MYO9A: variants seen among roughly 807,000 people sequenced by gnomAD.
MYO9A encodes the protein myosin IXA, also known as unconventional myosin-IXa.
Under a neutral mutation model 293.3 loss-of-function variants are expected in MYO9A, and 103 were observed. The observed-to-expected ratio is 0.35, with a 90% CI of 0.30 to 0.41. The LOEUF is 0.41. MYO9A is among the 10% of genes least tolerant of loss of function. The pLI is 1.00. For synonymous variants in MYO9A, 1,001 were observed against 1,035.7 expected (o/e 0.97, Z 0.64); for missense variants, 2,685 against 3,033.0 (o/e 0.89, Z 2.69).
At chr15:71,994,089 T>A (rs949509369) in intron 10 of MYO9A, among the ~76,000 whole-genome samples, 3 of 152,184 alleles carry the variant, frequency 2.0e-5, no homozygotes, top group African/African-American at 7.2e-5. Flanking sequence ...ATGGATGGAT[T>A]TATGGTACAC....
At chr15:71,927,255 T>A (rs1411970283) in intron 18 of MYO9A, among the ~76,000 whole-genome samples, 1 of 152,248 alleles carries the variant, frequency 6.6e-6, no homozygotes, top group African/African-American at 2.4e-5. Flanking sequence ...TTCTAGACAT[T>A]AACCCACTGC....
At chr15:71,907,319 A>G (rs1392270790) in intron 19 of MYO9A, among the ~76,000 whole-genome samples, 3 of 147,496 alleles carry the variant, frequency 2.0e-5, no homozygotes, top group African/African-American at 5.0e-5. Flanking sequence ...TATATGTGCC[A>G]CATTTTCTTA....
intron 15 of MYO9A, chr15:71,950,357 G>A (rs942631294): frequency 2.0e-5 from 3 of 152,176 alleles, no homozygotes; most frequent in African/African-American, 7.2e-5. Context: ...AGATCCATAT[G>A]TAGCTGGCAT....
In MYO9A at chr15:72,051,393, G is replaced by A. The variant is rs143444364; in HGVS notation, c.-71-4759C>T. Reference sequence around the variant, plus strand: ...TTTCGTGCTCCCTAGGTGCAGCTGCGGCCACCTGCCCAGGTGGGCTGCAGA... The same window carrying A: ...TTTCGTGCTCCCTAGGTGCAGCTGCAGCCACCTGCCCAGGTGGGCTGCAGA... On this transcript the variant is annotated intron_variant, in intron 1 of 41. Transcript: ENST00000356056. Among the ~76,000 whole-genome samples the A allele has an allele frequency of 2.9e-3, 447 of 152,160 alleles. 3 individuals carry two copies. Among genetic ancestry groups the A allele is most frequent in the Non-Finnish European group, 4.3e-3 (290 of 67,992 alleles).
At chr15:71,965,583 T>C (rs2075851892) in intron 13 of MYO9A, among the ~76,000 whole-genome samples, 1 of 152,028 alleles carries the variant, frequency 6.6e-6, no homozygotes, top group Non-Finnish European at 1.5e-5. Context: ...CCATCTCTAG[T>C]AAAAATACAA....
At chr15:71,951,647 A>G in intron 15 of MYO9A, 130 bp downstream of exon 15, 2 of 1,003,210 alleles carry the variant, frequency 2.0e-6, no homozygotes, top group Non-Finnish European at 1.5e-6. Flanking sequence ...AGAAATATTC[A>G]AAGACTGCTC....
Position 72,065,021 on chromosome 15 carries a change from A to G in MYO9A, c.-71-18387T>C, listed in dbSNP as rs946685680. 5.3e-5 allele frequency among the ~76,000 whole-genome samples: 8 copies of G among 152,240 alleles called. 1 individual carries two copies. The highest frequency in any genetic ancestry group is 1.9e-4 in the African/African-American group (8 of 41,472). The stretch of plus-strand genomic sequence containing the variant: ...GAGAGACACAAGAGAATCCAGAAAC[A>G]GGCTCCTATACAATGATGTTCTAAC... On this transcript the variant is annotated intron_variant, in intron 1 of 41. Coordinates refer to ENST00000356056, the MANE Select transcript of MYO9A (RefSeq NM_006901.4).
chr15:71,906,461 T>A (rs181126956), intron 19 of MYO9A, among the ~76,000 whole-genome samples: 1 of 152,236 alleles, frequency 6.6e-6, no homozygotes, highest in African/African-American at 2.4e-5. Context: ...ATTCTATCAG[T>A]TTTTGGTTCA....
At position 71,898,254 on chromosome 15, in the gene MYO9A, G is replaced by A. The variant is rs780131887; in HGVS notation, c.4249C>T (p.Leu1417=). The A allele has an allele frequency of 8.1e-6, 13 of 1,614,068 alleles. No homozygotes were observed. The highest frequency in any genetic ancestry group is 1.1e-5 in the Non-Finnish European group (13 of 1,180,004). ...QLKDSFISNS[L]PTFFYIPQQD... The stretch of plus-strand genomic sequence containing the variant: ...TGGGGGATATAAAAAAAAGTAGGTA[G>A]ACTATTTGAAATGAAGGAGTCTTTC... The change falls in exon 25 of 42, where the codon CTA becomes TTA. Residue 1417 remains leucine, a synonymous_variant. Coordinates refer to ENST00000356056, the MANE Select transcript of MYO9A (RefSeq NM_006901.4).
At chr15:72,024,118 T>C (rs759382140) in intron 4 of MYO9A, among the ~76,000 whole-genome samples, 1 of 152,200 alleles carries the variant, frequency 6.6e-6, no homozygotes, top group Middle Eastern at 3.2e-3. Context: ...ATAAACAAAG[T>C]TGGACTTCAC....
At chr15:72,031,175 C>T (rs559043151) in intron 3 of MYO9A, among the ~76,000 whole-genome samples, 1 of 152,286 alleles carries the variant, frequency 6.6e-6, no homozygotes, top group South Asian at 2.1e-4. Flanking sequence ...TTCGACGAAA[C>T]CAGTCCCTGG....
At chr15:71,919,205 C>G (rs1450366807) in intron 18 of MYO9A, among the ~76,000 whole-genome samples, 2 of 152,184 alleles carry the variant, frequency 1.3e-5, no homozygotes, top group African/African-American at 4.8e-5. Flanking sequence ...CCGAGAACGG[C>G]TGAGGCAGGC....
chr15:71,982,617 A>G (rs2076304300), intron 11 of MYO9A, among the ~76,000 whole-genome samples: 1 of 152,236 alleles, frequency 6.6e-6, no homozygotes, highest in Admixed American at 6.5e-5. Context: ...CAGGAAACTG[A>G]CATTCTGCTC....
chr15:72,101,640 T>G (rs1373546900), intron 1 of MYO9A, among the ~76,000 whole-genome samples: 1 of 89,098 alleles, frequency 1.1e-5, no homozygotes, highest in Non-Finnish European at 2.2e-5. Flanking sequence ...AGGAGGGAGG[T>G]GGGGGGGTCA....
intron 14 of MYO9A, among the ~76,000 whole-genome samples, chr15:71,956,397 G>C (rs568841223): frequency 1.3e-4 from 18 of 142,132 alleles, no homozygotes; most frequent in Non-Finnish European, 2.6e-4. Context: ...CCAGAACTTT[G>C]GGAGGCCGAG....
intron 18 of MYO9A, among the ~76,000 whole-genome samples, chr15:71,917,707 A>G (rs1158159272): frequency 1.3e-5 from 2 of 152,156 alleles, no homozygotes; most frequent in Non-Finnish European, 2.9e-5. Flanking sequence ...AAACCACACA[A>G]TATTTATGGT....
intron 1 of MYO9A, among the ~76,000 whole-genome samples, chr15:72,053,674 C>A (rs1177403932): frequency 6.6e-6 from 1 of 152,022 alleles, no homozygotes; most frequent in Non-Finnish European, 1.5e-5. Flanking sequence ...GGAAGGAAGG[C>A]GAGGATCGAA....
At chr15:71,996,482 T>C (rs1332962264) in intron 9 of MYO9A, among the ~76,000 whole-genome samples, 2 of 152,220 alleles carry the variant, frequency 1.3e-5, no homozygotes, top group Admixed American at 6.5e-5. Context: ...TGTCTGTCTT[T>C]CATAGCTTAA....
intron 39 of MYO9A, 46 bp from the exon 40 acceptor site, chr15:71,830,357 C>T (rs1420562065): frequency 9.0e-6 from 14 of 1,556,928 alleles, no homozygotes; most frequent in Non-Finnish European, 1.2e-5. Context: ...GTGACTGCAT[C>T]AGTTTTACAT....
Sources: gnomAD v4.1 joint callset for allele counts (sites outside exome capture counted in the v4.1 genomes callset) on GRCh38, gnomAD v4.1.1 for gene constraint, MANE v1.5 for transcripts, NCBI Gene and HGNC (gene_info 2026-07-23, HGNC 2026-07-21) for gene names.